The following NOL4L variants were observed in gnomAD, a reference collection of about 807,000 sequenced individuals.
NOL4L encodes nucleolar protein 4 like.
Under a neutral mutation model 64.5 loss-of-function variants are expected in NOL4L, and 7 were observed. The ratio of observed to expected loss-of-function variants is 0.11; its 90% CI spans 0.06 to 0.20. The LOEUF (loss-of-function observed/expected upper bound fraction) is 0.20, where lower values mean the gene tolerates loss of function less well. Among genes scored for constraint, NOL4L ranks in the 10% least tolerant of loss-of-function variants. NOL4L has a pLI of 1.00. For synonymous variants in NOL4L, 413 were observed against 401.0 expected, an observed-to-expected ratio of 1.03 and a Z score of -0.36; for missense variants, 680 against 967.1, an observed-to-expected ratio of 0.70 and a Z score of 3.94.
chr20:32,564,119 C>A (rs549171307), intron 1 of NOL4L, among the ~76,000 whole-genome samples: 4 of 152,222 alleles, frequency 2.6e-5, no homozygotes, highest in Non-Finnish European at 5.9e-5. Flanking sequence ...TCCACCACGG[C>A]GGGCCCCAGG....
At chr20:32,514,878 C>CCATGGTGAGTGTGACAT (rs1282426212) in intron 3 of NOL4L, among the ~76,000 whole-genome samples, 14 of 152,046 alleles carry the variant, frequency 9.2e-5, no homozygotes, top group Admixed American at 6.6e-4. Flanking sequence ...CTGTTAAGCA[C>CCATGGTGAGTGTGACAT]CATGGTGAGT....
Position 32,505,269 on chromosome 20 carries a change from A to C in NOL4L, c.699+6078T>G, listed in dbSNP as rs118006399. ...GGGGAGATTGAGAGGGTTCATAAGA[A>C]AGAGAAAAGATAATGATTAAAAAGT... On this transcript the variant is annotated intron_variant, in intron 4 of 10. Coordinates refer to ENST00000621426, the MANE Select transcript of NOL4L (RefSeq NM_001256798.2). Among the ~76,000 whole-genome samples, 29 of 152,292 alleles carry C rather than the reference A, an allele frequency of 1.9e-4. No individual in the cohort carries two copies. The East Asian group carries it at 5.2e-3, about 27-fold the overall frequency.
chr20:32,453,915 T>A lies in NOL4L; in HGVS notation c.1120-154A>T. 1.5e-6 allele frequency: 1 copy of A among 666,218 alleles called. No individual in the cohort carries two copies. Among genetic ancestry groups the A allele is most frequent in the East Asian group, 2.7e-5 (1 of 36,786 alleles). 41.3% of individuals were successfully genotyped at this position (666,218 alleles called of 1,614,324 possible). ...CGAGGCCCTGAGCAAGTCACTCCCC[T>A]CTTCTGCTCCCTTCATCTGTGCAAT... On this transcript the variant is annotated intron_variant, in intron 6 of 10. Coordinates refer to ENST00000621426, the MANE Select transcript of NOL4L (RefSeq NM_001256798.2). This position sits in a 1 kb window ranked among gnomAD's most constrained non-coding sequence, Gnocchi z 5.6.
chr20:32,583,239 C>T (rs1980605108), intron 1 of NOL4L, among the ~76,000 whole-genome samples: 2 of 151,316 alleles, frequency 1.3e-5, no homozygotes, highest in Admixed American at 1.3e-4. Flanking sequence ...CCCCTGGGCG[C>T]GGGGGGAGGC....
intron 5 of NOL4L, among the ~76,000 whole-genome samples, chr20:32,462,942 C>T (rs2014226114): frequency 7.3e-6 from 1 of 136,608 alleles, no homozygotes; most frequent in African/African-American, 2.7e-5. Context: ...AAAGAGACAT[C>T]GACAGGCGCA....
At chr20:32,541,068 G>A (rs1163706338) in intron 1 of NOL4L, among the ~76,000 whole-genome samples, 2 of 142,900 alleles carry the variant, frequency 1.4e-5, no homozygotes, top group East Asian at 2.4e-4. Context: ...TGGCTAGAAG[G>A]CCCTTCTCAC....
intron 3 of NOL4L, among the ~76,000 whole-genome samples, chr20:32,519,125 C>T (rs1391383700): frequency 6.6e-6 from 1 of 152,192 alleles, no homozygotes; most frequent in African/African-American, 2.4e-5. Flanking sequence ...CCCTGGAGCC[C>T]TGTTCTTAAC....
intron 1 of NOL4L, chr20:32,536,394 G>A (rs1000573408): frequency 3.0e-5 from 25 of 823,872 alleles, no homozygotes; most frequent in Middle Eastern, 6.1e-4. Flanking sequence ...GGGGCTGGAG[G>A]GGGAGGGGAG....
intron 1 of NOL4L, among the ~76,000 whole-genome samples, chr20:32,569,058 T>C (rs780945902): frequency 3.3e-4 from 47 of 144,386 alleles, no homozygotes; most frequent in Non-Finnish European, 5.9e-4. Flanking sequence ...TTCCTGTCCT[T>C]ATGGAGCCCA....
Position 32,447,429 on chromosome 20 carries a change from A to AAAAAAAAAGG in NOL4L, c.*166_*167insCCTTTTTTTT. On this transcript the variant is annotated 3_prime_UTR_variant, in exon 11 of 11. Transcript: ENST00000621426. ...AAAAAAAAAAAAAAAAAAAAAAAAA[A>AAAAAAAAAGG]GTGTCCTTGTGCCCAAAGTCTCAGG... 1.3e-6 allele frequency: 1 copy of AAAAAAAAAGG among 757,714 alleles called. No homozygotes were observed. The highest frequency in any genetic ancestry group is 2.0e-6 in the Non-Finnish European group (1 of 494,146). The allele number at this position is 757,714 out of a possible 1,614,324, so 46.9% of individuals were successfully genotyped here. A position where few individuals can be genotyped will look rare whatever the true frequency, so the allele number is the denominator to read the frequency against.
rs374212206 is a variant in NOL4L, at chr20:32,447,429, A to AAAAAAAAT, written c.*166_*167insATTTTTTT. 2.0e-5 allele frequency: 15 copies of AAAAAAAAT among 758,128 alleles called. No individual in the cohort carries two copies. Among genetic ancestry groups the AAAAAAAAT allele is most frequent in the Admixed American group, 6.4e-5 (2 of 31,302 alleles). The allele number at this position is 758,128 out of a possible 1,614,324, so 47.0% of individuals were successfully genotyped here. On this transcript the variant is annotated 3_prime_UTR_variant, in exon 11 of 11. Transcript: ENST00000621426. ...AAAAAAAAAAAAAAAAAAAAAAAAA[A>AAAAAAAAT]GTGTCCTTGTGCCCAAAGTCTCAGG...
rs564381076 is a variant in NOL4L, at chr20:32,446,298, G to T, written c.*1298C>A. 2 of 152,432 alleles carry T rather than the reference G, an allele frequency of 1.3e-5. No individual in the cohort carries two copies. Among genetic ancestry groups the T allele is most frequent in the East Asian group, 3.9e-4 (2 of 5,182 alleles). The allele number at this position is 152,432 out of a possible 1,614,324, so 9.4% of individuals were successfully genotyped here. A position where few individuals can be genotyped will look rare whatever the true frequency, so the allele number is the denominator to read the frequency against. ...CTTTTTGCCCTTTTTCACACTCCAG[G>T]GATTATGGGTTTCTTCCAGGACCGG... On this transcript the variant is annotated 3_prime_UTR_variant, in exon 11 of 11. Coordinates refer to ENST00000621426, the MANE Select transcript of NOL4L (RefSeq NM_001256798.2).
At chr20:32,458,841 C>T (rs2013789288) in intron 5 of NOL4L, among the ~76,000 whole-genome samples, 2 of 152,326 alleles carry the variant, frequency 1.3e-5, no homozygotes, top group South Asian at 4.1e-4. Context: ...TCCCATCATC[C>T]CACCACCCAC....
chr20:32,583,192 G>C (rs1209622367), intron 1 of NOL4L, among the ~76,000 whole-genome samples: 1 of 151,322 alleles, frequency 6.6e-6, no homozygotes, highest in Admixed American at 6.6e-5. Context: ...CGCCCTCCGC[G>C]CTCGCGGCTC....
chr20:32,491,324 T>C (rs2016460619), intron 4 of NOL4L, among the ~76,000 whole-genome samples: 1 of 152,152 alleles, frequency 6.6e-6, no homozygotes, highest in Admixed American at 6.5e-5. Context: ...GACATTTAAG[T>C]TGGGCACTGA....
chr20:32,538,164 C>T (rs1248037388), intron 1 of NOL4L, among the ~76,000 whole-genome samples: 1 of 152,198 alleles, frequency 6.6e-6, no homozygotes, highest in Admixed American at 6.5e-5. Context: ...GCCACCCCTT[C>T]CATTTCCCAG....
chr20:32,450,822 C>T (rs1317695235), intron 10 of NOL4L, among the ~76,000 whole-genome samples: 1 of 152,176 alleles, frequency 6.6e-6, no homozygotes, highest in Non-Finnish European at 1.5e-5. Flanking sequence ...AGGAGCCCGC[C>T]TAGGACAGCC....
intron 4 of NOL4L, chr20:32,475,046 G>A (rs1273657852): frequency 5.1e-6 from 5 of 985,360 alleles, no homozygotes; most frequent in Non-Finnish European, 6.0e-6. Context: ...TGTGAGCCAA[G>A]GTTGAAACAA....
rs547345547 is a variant in NOL4L at position 32,489,853 on chromosome 20, G to A, written c.700-15111C>T. 3.5e-4 allele frequency among the ~76,000 whole-genome samples: 52 copies of A among 150,472 alleles called. 1 individual carries two copies. Among genetic ancestry groups the A allele is most frequent in the Middle Eastern group, 3.5e-3 (1 of 288 alleles). ...ATAAGTAAATAAGTTTTCTGGCCTG[G>A]CATGGTGACTCACGCCTGTAATCCC... On this transcript the variant is annotated intron_variant, in intron 4 of 10. Transcript: ENST00000621426.
Sources: gnomAD v4.1 joint callset for allele counts (sites outside exome capture counted in the v4.1 genomes callset) on GRCh38, gnomAD v4.1.1 for gene constraint, Gnocchi (gnomAD v3.1) non-coding constraint, MANE v1.5 for transcripts, NCBI Gene and HGNC (gene_info 2026-07-23, HGNC 2026-07-21) for gene names.